CEACAM18: variants seen among roughly 807,000 people sequenced by gnomAD.
CEACAM18 encodes cell adhesion molecule CEACAM18.
In CEACAM18, 33 loss-of-function variants were observed where a neutral mutation model predicts 34.3. The ratio of observed to expected loss-of-function variants is 0.96; its 90% CI spans 0.73 to 1.29. The LOEUF (loss-of-function observed/expected upper bound fraction) is 1.29. Among genes scored for constraint, CEACAM18 ranks in the 50% most tolerant of loss-of-function variants. The pLI is 0.00. For synonymous variants in CEACAM18, 169 were observed against 180.9 expected (o/e 0.93, Z 0.53); for missense variants, 474 against 485.0 (o/e 0.98, Z 0.21).
exon 2 of CEACAM18, chr19:51,480,385 C>T (rs1466967890): frequency 6.2e-7 from 1 of 1,612,876 alleles, no homozygotes; most frequent in South Asian, 1.1e-5. Flanking sequence ...TCTTCATCAC[C>T]CAAACCCTGG....
chr19:51,486,723 C>CTTTTTTTTTTTTTTT (rs201510643), intron 5 of CEACAM18, among the ~76,000 whole-genome samples: 1 of 135,410 alleles, frequency 7.4e-6, no homozygotes, highest in African/African-American at 3.0e-5. Context: ...TCTTTTCTTT[C>CTTTTTTTTTTTTTTT]TTTTTTTTTT....
chr19:51,482,036 T>C (rs888831817), intron 3 of CEACAM18, among the ~76,000 whole-genome samples: 2 of 152,230 alleles, frequency 1.3e-5, no homozygotes, highest in African/African-American at 4.8e-5. Flanking sequence ...GAAATTCTGC[T>C]CATTAATTTC....
intron 3 of CEACAM18, among the ~76,000 whole-genome samples, chr19:51,482,087 C>A (rs897983070): frequency 1.3e-5 from 2 of 152,174 alleles, no homozygotes; most frequent in Non-Finnish European, 2.9e-5. Flanking sequence ...CCCTGTCACT[C>A]TCTTTCACTG....
At chr19:51,491,108 G>C (rs529879705), downstream of CEACAM18, among the ~76,000 whole-genome samples, 10 of 151,952 alleles carry the variant, frequency 6.6e-5, no homozygotes, top group Admixed American at 4.6e-4. Context: ...CCTGCCCTGA[G>C]TACCGGAGCG....
intron 5 of CEACAM18, among the ~76,000 whole-genome samples, chr19:51,489,528 G>T (rs989203326): frequency 6.6e-6 from 1 of 151,934 alleles, no homozygotes; most frequent in African/African-American, 2.4e-5. Context: ...ACGTGTATGC[G>T]TTTTCACTAT....
chr19:51,482,929 G>T, intron 3 of CEACAM18, 88 bp from the exon 4 acceptor site: 2 of 1,523,476 alleles, frequency 1.3e-6, no homozygotes, highest in East Asian at 2.3e-5. Context: ...GTGCACAATG[G>T]GGAACCTCCT....
At chr19:51,486,192 G>T (rs569228094) in intron 5 of CEACAM18, among the ~76,000 whole-genome samples, 55 of 152,196 alleles carry the variant, frequency 3.6e-4, no homozygotes, top group Non-Finnish European at 5.9e-5. Flanking sequence ...GCTAGTGATG[G>T]TGACATTGGT....
At chr19:51,490,982 A>G (rs573186335), downstream of CEACAM18, 6 of 216,222 alleles carry the variant, frequency 2.8e-5, no homozygotes, top group Non-Finnish European at 5.4e-5. Flanking sequence ...TTCTTCACCC[A>G]TGGAATCAAC....
exon 4 of CEACAM18, chr19:51,483,102 G>A: frequency 1.2e-6 from 2 of 1,614,030 alleles, no homozygotes; most frequent in Non-Finnish European, 1.7e-6. Flanking sequence ...AAGTGGAAAT[G>A]GAGTGTATCT....
At chr19:51,483,718 C>A (rs891827864) in intron 4 of CEACAM18, among the ~76,000 whole-genome samples, 3 of 152,196 alleles carry the variant, frequency 2.0e-5, no homozygotes, top group Non-Finnish European at 2.9e-5. Flanking sequence ...CATTCAAGCC[C>A]AGGCAGGCAT....
chr19:51,485,883 A>T (rs908304509), intron 5 of CEACAM18, among the ~76,000 whole-genome samples: 4 of 152,186 alleles, frequency 2.6e-5, no homozygotes, highest in Admixed American at 6.5e-5. Flanking sequence ...CCACCACCCC[A>T]GTTCAGAAAA....
At chr19:51,480,077 T>C (rs1252235180) in intron 1 of CEACAM18, among the ~76,000 whole-genome samples, 2 of 152,022 alleles carry the variant, frequency 1.3e-5, no homozygotes, top group Admixed American at 1.3e-4. Context: ...GTAACTGTGA[T>C]GTGAGGATGG....
At chr19:51,484,907 T>C in intron 4 of CEACAM18, 80 bp from the exon 5 acceptor site, 2 of 1,468,726 alleles carry the variant, frequency 1.4e-6, no homozygotes, top group Admixed American at 2.0e-5. Context: ...GAAGAATGGA[T>C]ATGTGGGTGG....
At chr19:51,485,512 G>A (rs1989984309) in intron 5 of CEACAM18, among the ~76,000 whole-genome samples, 1 of 152,188 alleles carries the variant, frequency 6.6e-6, no homozygotes, top group Non-Finnish European at 1.5e-5. Flanking sequence ...TATGCAGGGA[G>A]AAGAGATTGG....
intron 5 of CEACAM18, 81 bp from the exon 6 acceptor site, chr19:51,490,506 C>T: frequency 8.4e-7 from 1 of 1,188,238 alleles, no homozygotes; most frequent in African/African-American, 1.6e-5. Context: ...AAGTCGGGCC[C>T]CTTCACCTCT....
intron 5 of CEACAM18, 136 bp from the exon 6 acceptor site, chr19:51,490,451 C>A: frequency 1.7e-6 from 1 of 590,202 alleles, no homozygotes; most frequent in South Asian, 9.3e-5. Flanking sequence ...ACCATCTCCT[C>A]CATTGGGTCC....
intron 3 of CEACAM18, 129 bp from the exon 4 acceptor site, chr19:51,482,888 T>C: frequency 1.0e-6 from 1 of 996,924 alleles, no homozygotes; most frequent in Non-Finnish European, 1.5e-6. Context: ...ACAGCTGCCT[T>C]GCCTGGGGCA....
chr19:51,480,656 G>A (rs1989898786), exon 2 of CEACAM18: 3 of 1,612,938 alleles, frequency 1.9e-6, no homozygotes, highest in Middle Eastern at 1.7e-4. Flanking sequence ...GACCCAAAGA[G>A]CAACCGGCTG....
chr19:51,481,793 C>A, intron 3 of CEACAM18, 128 bp downstream of exon 3: 1 of 972,312 alleles, frequency 1.0e-6, no homozygotes, highest in East Asian at 2.7e-5. Flanking sequence ...CCAGCTCACT[C>A]TGGATTGGAA....
Sources: allele counts gnomAD v4.1 joint callset (sites outside exome capture counted in the v4.1 genomes callset), GRCh38; gene constraint gnomAD v4.1.1; transcripts MANE v1.5; gene names NCBI Gene and HGNC (gene_info 2026-07-23, HGNC 2026-07-21).